TACR1: variants seen among roughly 807,000 people sequenced by gnomAD.
TACR1 encodes substance-P receptor.
In TACR1, 25 loss-of-function variants were observed where a neutral mutation model predicts 35.8. The observed-to-expected ratio is 0.70, with a 90% CI of 0.51 to 0.98. The LOEUF (loss-of-function observed/expected upper bound fraction) is 0.98. TACR1 is among the 50% of genes least tolerant of loss of function. The probability of loss-of-function intolerance (pLI) is 0.00; values close to 1 mark genes in which losing one functional copy is unlikely to be tolerated. For synonymous variants in TACR1, 195 were observed against 206.7 expected, an observed-to-expected ratio of 0.94 and a Z score of 0.48; for missense variants, 478 against 522.9, an observed-to-expected ratio of 0.91 and a Z score of 0.84.
chr2:75,066,002 C>T (rs1672756205), intron 2 of TACR1, among the ~76,000 whole-genome samples: 1 of 152,186 alleles, frequency 6.6e-6, no homozygotes, highest in South Asian at 2.1e-4. Flanking sequence ...TATGTACTCT[C>T]AACAAGACAA....
rs971365473 is a variant in TACR1 at position 75,055,595 on chromosome 2, G to A, written c.585-1840C>T. The stretch of plus-strand genomic sequence containing the variant: ...CTGACTTCTCCTACCTGAAAGAACA[G>A]CCCTGCCTCATGCAGACTAATAGTT... On this transcript the variant is annotated intron_variant, in intron 2 of 4. Transcript: ENST00000305249. Among the ~76,000 whole-genome samples, 5 of 152,230 alleles carry A rather than the reference G, an allele frequency of 3.3e-5. No homozygotes were observed. In the South Asian group the frequency reaches 8.3e-4, roughly 25 times the overall value.
chr2:75,147,919 T>C (rs1304561599), intron 1 of TACR1, among the ~76,000 whole-genome samples: 9 of 151,838 alleles, frequency 5.9e-5, no homozygotes, highest in Non-Finnish European at 1.3e-4. Context: ...TAATTTTTTG[T>C]ATTTTTTTAG....
intron 1 of TACR1, among the ~76,000 whole-genome samples, chr2:75,198,324 G>A (rs1456853828): frequency 3.3e-5 from 5 of 152,174 alleles, no homozygotes; most frequent in Non-Finnish European, 7.3e-5. Flanking sequence ...AGGGGGATGT[G>A]TGTTGAAAGG....
chr2:75,167,474 T>G (rs757582332), intron 1 of TACR1, among the ~76,000 whole-genome samples: 5 of 152,132 alleles, frequency 3.3e-5, no homozygotes, highest in Admixed American at 3.3e-4. Flanking sequence ...ACAACTGTAA[T>G]AAAATGCCTA....
chr2:75,101,089 C>A (rs1227178783), intron 2 of TACR1, among the ~76,000 whole-genome samples: 7 of 149,474 alleles, frequency 4.7e-5, no homozygotes, highest in Admixed American at 4.0e-4. Context: ...CGGCAGAAAA[C>A]TGAATTAGTC....
intron 2 of TACR1, among the ~76,000 whole-genome samples, chr2:75,092,127 G>C (rs1172286064): frequency 6.6e-6 from 1 of 152,218 alleles, no homozygotes; most frequent in Admixed American, 6.5e-5. Context: ...CTAGTGAGCA[G>C]CAGAGGGTGA....
At chr2:75,175,348 C>G (rs142621855) in intron 1 of TACR1, among the ~76,000 whole-genome samples, 1 of 152,142 alleles carries the variant, frequency 6.6e-6, no homozygotes, top group Non-Finnish European at 1.5e-5. Context: ...TATAATTACC[C>G]AAACCTAGAA....
chr2:75,187,929 A>G (rs772651519), intron 1 of TACR1: 17 of 152,246 alleles, frequency 1.1e-4, no homozygotes, highest in Admixed American at 3.3e-4. Flanking sequence ...CTGAATCTTT[A>G]ACACATTAAC....
chr2:75,051,630 A>G (rs1039258057), intron 3 of TACR1, among the ~76,000 whole-genome samples, 183 bp from the exon 4 acceptor site: 1 of 152,218 alleles, frequency 6.6e-6, no homozygotes, highest in Non-Finnish European at 1.5e-5. Flanking sequence ...CGGTTATGTC[A>G]GCTGTTCTCA....
At chr2:75,092,624 C>A (rs530223253) in intron 2 of TACR1, among the ~76,000 whole-genome samples, 6 of 151,958 alleles carry the variant, frequency 3.9e-5, no homozygotes, top group Non-Finnish European at 8.8e-5. Flanking sequence ...CTCCTATGGT[C>A]AGAATAACTG....
intron 1 of TACR1, among the ~76,000 whole-genome samples, chr2:75,179,697 C>A (rs4627599): frequency 0.46 from 69,909 of 151,974 alleles, 16,529 homozygotes; most frequent in Non-Finnish European, 0.49. Flanking sequence ...CAGGTTAAAC[C>A]TCCTTGCAAT....
At chr2:75,171,380 T>A (rs752807449) in intron 1 of TACR1, among the ~76,000 whole-genome samples, 1 of 152,182 alleles carries the variant, frequency 6.6e-6, no homozygotes, top group Non-Finnish European at 1.5e-5. Context: ...TGCCTGGATG[T>A]CCAGGCCGAG....
intron 2 of TACR1, among the ~76,000 whole-genome samples, chr2:75,099,449 A>G (rs1462971141): frequency 6.6e-6 from 1 of 151,482 alleles, no homozygotes; most frequent in African/African-American, 2.4e-5. Flanking sequence ...TATTCCTCAG[A>G]CTCTTCATGT....
At chr2:75,073,828 A>C (rs1479756506) in intron 2 of TACR1, among the ~76,000 whole-genome samples, 1 of 152,192 alleles carries the variant, frequency 6.6e-6, no homozygotes, top group African/African-American at 2.4e-5. Context: ...ACTTCTCACC[A>C]GAAGGGCTGT....
intron 1 of TACR1, among the ~76,000 whole-genome samples, chr2:75,176,119 C>T (rs1675411833): frequency 6.6e-6 from 1 of 151,594 alleles, no homozygotes; most frequent in African/African-American, 2.4e-5. Flanking sequence ...GTAAGCCTAG[C>T]AGATTCATCC....
At chr2:75,160,445 TA>T (rs1176978489) in intron 1 of TACR1, among the ~76,000 whole-genome samples, 1 of 152,080 alleles carries the variant, frequency 6.6e-6, no homozygotes, top group Non-Finnish European at 1.5e-5. Flanking sequence ...AAGCTATTCA[TA>T]ACATGGACAC....
intron 2 of TACR1, among the ~76,000 whole-genome samples, chr2:75,104,389 TATTA>T (rs1345622415): frequency 6.6e-6 from 1 of 152,028 alleles, no homozygotes; most frequent in African/African-American, 2.4e-5. Flanking sequence ...ATAAAACAAA[TATTA>T]ATTTAATGGG....
At position 75,048,086 on chromosome 2, in the gene TACR1, A is replaced by T. The variant is rs1380669517; in HGVS notation, c.*1346T>A. 1 of 152,250 alleles carries T rather than the reference A, an allele frequency of 6.6e-6. No homozygotes were observed. Among genetic ancestry groups the T allele is most frequent in the South Asian group, 2.1e-4 (1 of 4,826 alleles). The allele number at this position is 152,250 out of a possible 1,614,324, so 9.4% of individuals were successfully genotyped here. On this transcript the variant is annotated 3_prime_UTR_variant, in exon 5 of 5. Transcript: ENST00000305249. Reference sequence around the variant, plus strand: ...GAAGACTGACTGTCCTTTAGGGTTGATGAGTCATTCTACCCCTTAGAGACA... The same window carrying T: ...GAAGACTGACTGTCCTTTAGGGTTGTTGAGTCATTCTACCCCTTAGAGACA...
chr2:75,195,798 A>G (rs1274467841), intron 1 of TACR1, among the ~76,000 whole-genome samples: 1 of 152,212 alleles, frequency 6.6e-6, no homozygotes, highest in Non-Finnish European at 1.5e-5. Flanking sequence ...ATAATAGCAT[A>G]TTCACATAAT....
Sources: gnomAD v4.1 joint callset for allele counts (sites outside exome capture counted in the v4.1 genomes callset) on GRCh38, gnomAD v4.1.1 for gene constraint, MANE v1.5 for transcripts, NCBI Gene and HGNC (gene_info 2026-07-23, HGNC 2026-07-21) for gene names.